AGAP6: variants seen among roughly 807,000 people sequenced by gnomAD.
AGAP6 encodes arf-GAP with GTPase, ANK repeat and PH domain-containing protein 6.
A neutral mutation model predicts 63.9 loss-of-function variants in AGAP6; 29 were observed. The observed-to-expected ratio is 0.45, with a 90% CI of 0.34 to 0.62. AGAP6 has a LOEUF of 0.62. Among genes scored for constraint, AGAP6 ranks in the 20% least tolerant of loss-of-function variants. AGAP6 has a pLI of 0.01. For synonymous variants in AGAP6, 199 were observed against 332.9 expected, an observed-to-expected ratio of 0.60 and a Z score of 4.38; for missense variants, 493 against 884.9, an observed-to-expected ratio of 0.56 and a Z score of 5.62.
rs1288385211 is a variant in AGAP6 at position 49,995,099 on chromosome 10, G to A, written c.396+670G>A. 1.1e-4 allele frequency among the ~76,000 whole-genome samples: 17 copies of A among 151,808 alleles called. 1 individual carries two copies. In the East Asian group the frequency reaches 2.1e-3, roughly 19 times the overall value. On this transcript the variant is annotated intron_variant, in intron 4 of 7. Transcript: ENST00000412531. ...CAGCAGGTAAAAGCATACCTTCCCCGCTACACCATGATCTTATGTTTCTCC... is the reference window on the plus strand; with the variant it reads ...CAGCAGGTAAAAGCATACCTTCCCCACTACACCATGATCTTATGTTTCTCC...
Position 50,010,457 on chromosome 10 carries a change from G to A in AGAP6, c.*271G>A. ...TCTGTATTATGTATTTAGATAAAAT[G>A]TGTGAAAACATATTTGAAATAAAGT... On this transcript the variant is annotated 3_prime_UTR_variant, in exon 8 of 8. Transcript: ENST00000412531. 1.4e-6 allele frequency: 1 copy of A among 739,726 alleles called. No individual in the cohort carries two copies. Among genetic ancestry groups the A allele is most frequent in the Non-Finnish European group, 2.2e-6 (1 of 461,852 alleles). The allele number at this position is 739,726 out of a possible 1,614,324, so 45.8% of individuals were successfully genotyped here.
intron 6 of AGAP6, among the ~76,000 whole-genome samples, chr10:50,006,125 C>T (rs1841906947): frequency 3.9e-5 from 6 of 152,126 alleles, no homozygotes; most frequent in Admixed American, 3.9e-4. Flanking sequence ...ATCTTTCTTG[C>T]ACAGTAAATG....
At chr10:49,998,061 T>C (rs1277831431) in intron 4 of AGAP6, among the ~76,000 whole-genome samples, 1 of 132,300 alleles carries the variant, frequency 7.6e-6, no homozygotes, top group East Asian at 2.5e-4. Flanking sequence ...TTGATGGGCA[T>C]TTGGGCTGGT....
At chr10:49,997,489 C>A (rs1208718893) in intron 4 of AGAP6, among the ~76,000 whole-genome samples, 1 of 151,830 alleles carries the variant, frequency 6.6e-6, no homozygotes, top group South Asian at 2.1e-4. Flanking sequence ...CAAAGGGAGA[C>A]CCTGTCTCGG....
intron 3 of AGAP6, among the ~76,000 whole-genome samples, chr10:49,994,030 A>C (rs1281168765): frequency 1.3e-5 from 2 of 152,162 alleles, no homozygotes; most frequent in African/African-American, 4.8e-5. Context: ...TAATTAAAGT[A>C]AGCTATGTAT....
rs1404727183 is a variant in AGAP6, at chr10:50,009,180, G to A, written c.1055G>A (p.Cys352Tyr). 25 of 1,614,100 alleles carry A rather than the reference G, an allele frequency of 1.5e-5. No individual in the cohort carries two copies. Among genetic ancestry groups the A allele is most frequent in the Non-Finnish European group, 2.1e-5 (25 of 1,180,048 alleles). The change falls in exon 8 of 8, where the codon TGC (cysteine) becomes TAC (tyrosine). Residue 352 changes from cysteine (C) to tyrosine (Y), a missense_variant. Physicochemically the swap from Cys to Tyr is radical, Grantham distance 194 (BLOSUM62 -2). Around this residue, in one of 7 missense-constraint regions of AGAP6, gnomAD observed 342 missense variants for 533.4 expected, o/e 0.64. Transcript: ENST00000412531. ...TGGCCATCCCTAGCCACATCGGCCTGCACACCCATCTCCAGCTCTAAAAGC... is the reference window on the plus strand; with the variant it reads ...TGGCCATCCCTAGCCACATCGGCCTACACACCCATCTCCAGCTCTAAAAGC... ...GKWPSLATSA[C>Y]TPISSSKSNG...
chr10:50,009,092 A>G lies in AGAP6; in HGVS notation c.967A>G (p.Met323Val), dbSNP rs781967067. Residue 323 changes from methionine to valine, a missense_variant, in exon 8 of 8, where the codon ATG (methionine) becomes GTG (valine). Met to Val is a conservative substitution (Grantham distance 21). This residue lies in a region of AGAP6 where 342 missense variants were observed against 533.4 expected (regional missense o/e 0.64). Coordinates refer to ENST00000412531, the MANE Select transcript of AGAP6 (RefSeq NM_001077665.3). The stretch of plus-strand genomic sequence containing the variant: ...CTATTATTCAAGCTTAGGTGATTAT[A>G]TGAAGAATATTCATAAAAAAGAGAT... ...LTYYSSLGDY[M>V]KNIHKKEIDL... 5.0e-6 allele frequency: 8 copies of G among 1,613,710 alleles called. No homozygotes were observed. Among genetic ancestry groups the G allele is most frequent in the Non-Finnish European group, 6.8e-6 (8 of 1,179,930 alleles).
chr10:49,995,720 T>A (rs1225227841), intron 4 of AGAP6, among the ~76,000 whole-genome samples: 1 of 152,212 alleles, frequency 6.6e-6, no homozygotes, highest in Non-Finnish European at 1.5e-5. Context: ...TTCTGTCCTG[T>A]TATCATCTCT....
chr10:49,989,002 C>G lies in AGAP6; in HGVS notation c.223+64C>G, dbSNP rs1367112595. 3.1e-6 allele frequency: 5 copies of G among 1,598,784 alleles called. No individual in the cohort carries two copies. The Admixed American group carries it at 8.3e-5, about 27-fold the overall frequency. ...TCTGGCTGCTGCTGTCCCCATGGTT[C>G]CCTTTGAGGCATCCCACACTTCGAG... is the stretch of plus-strand genomic sequence containing the variant. On this transcript the variant is annotated intron_variant, in intron 1 of 7. Coordinates refer to ENST00000412531, the MANE Select transcript of AGAP6 (RefSeq NM_001077665.3).
At chr10:49,990,156 TG>T (rs1328975426) in intron 2 of AGAP6, among the ~76,000 whole-genome samples, 1 of 152,204 alleles carries the variant, frequency 6.6e-6, no homozygotes, top group Non-Finnish European at 1.5e-5. Context: ...GTTACAGTTT[TG>T]GCTGGGCTTG....
intron 2 of AGAP6, among the ~76,000 whole-genome samples, chr10:49,989,663 A>G (rs1841192702): frequency 1.3e-5 from 2 of 152,266 alleles, no homozygotes; most frequent in East Asian, 1.9e-4. Flanking sequence ...GAGAGGCTAT[A>G]TGGTATTCTT....
intron 3 of AGAP6, among the ~76,000 whole-genome samples, chr10:49,992,674 C>T (rs1388876299): frequency 3.9e-5 from 6 of 151,930 alleles, no homozygotes; most frequent in African/African-American, 1.5e-4. Context: ...CCTCAGCAAA[C>T]TTATAATCAT....
At chr10:49,996,654 A>G (rs1554861987) in intron 4 of AGAP6, among the ~76,000 whole-genome samples, 2 of 150,826 alleles carry the variant, frequency 1.3e-5, no homozygotes, top group East Asian at 1.9e-4. Context: ...TGATATATCC[A>G]GAGAACACAC....
rs4043241 is a variant in AGAP6, at chr10:49,994,680, C to A, written c.396+251C>A. ...AGTCTGGTTCAAAAGATCTGCCTTA[C>A]GGCTGGGCATGGTGGCTAACGTCTG... On this transcript the variant is annotated intron_variant, in intron 4 of 7. Transcript: ENST00000412531. 1.6e-3 allele frequency among the ~76,000 whole-genome samples: 237 copies of A among 152,186 alleles called. 2 individuals are homozygous for A. Among genetic ancestry groups the A allele is most frequent in the African/African-American group, 5.4e-3 (224 of 41,526 alleles).
chr10:49,989,812 A>G (rs1432456131), intron 2 of AGAP6, among the ~76,000 whole-genome samples: 1 of 152,222 alleles, frequency 6.6e-6, no homozygotes, highest in African/African-American at 2.4e-5. Context: ...GGGCTGCAGA[A>G]AAATGGTTGT....
At chr10:49,994,265 T>C (rs1841396003) in intron 3 of AGAP6, 130 bp from the exon 4 acceptor site, 5 of 1,048,686 alleles carry the variant, frequency 4.8e-6, no homozygotes, top group Non-Finnish European at 6.4e-6. Context: ...AAATTATAAA[T>C]TATTGAAAAT....
intron 4 of AGAP6, among the ~76,000 whole-genome samples, chr10:49,999,550 G>T (rs1554862621): frequency 1.6e-5 from 2 of 127,958 alleles, no homozygotes; most frequent in Non-Finnish European, 3.2e-5. Flanking sequence ...CCCGAGAACT[G>T]GAACAAGACA....
chr10:49,992,833 C>G (rs573613472), intron 3 of AGAP6, among the ~76,000 whole-genome samples: 1 of 152,112 alleles, frequency 6.6e-6, no homozygotes, highest in Admixed American at 6.5e-5. Context: ...ACGATCTTGG[C>G]TCACTACAAC....
rs782366409 is a variant in AGAP6, at chr10:49,988,923, C to T, written c.208C>T (p.Arg70Trp). The change falls in exon 1 of 8, where the codon CGG (arginine) becomes TGG (tryptophan). Residue 70 changes from arginine to tryptophan, a missense_variant. Physicochemically the swap from Arg to Trp is moderately radical, Grantham distance 101 (BLOSUM62 -3). This residue lies in a region of AGAP6 where 342 missense variants were observed against 533.4 expected (regional missense o/e 0.64). Transcript: ENST00000412531. ...CCTCCACATGCACCACGTTCGTGAC[C>T]GGGAGATGCCTGAAGGTGAGGAGGT... Reference protein sequence around the residue: ...EDLHMHHVRDREMPEALEFNL... With the variant: ...EDLHMHHVRDWEMPEALEFNL... The T allele has an allele frequency of 2.6e-5, 41 of 1,580,468 alleles. No homozygotes were observed. The African/African-American group carries it at 4.4e-4, about 17-fold the overall frequency.
Sources: allele counts gnomAD v4.1 joint callset (sites outside exome capture counted in the v4.1 genomes callset), GRCh38; gene constraint gnomAD v4.1.1; regional missense constraint gnomAD v4.1.1; transcripts MANE v1.5; gene names NCBI Gene and HGNC (gene_info 2026-07-23, HGNC 2026-07-21).